Variants in DRC9 observed in about 807,000 individuals in gnomAD.
DRC9 encodes dynein regulatory complex protein 9.
At chr3:197,932,957 T>TTATTATA in the DRC9 span, among the ~76,000 whole-genome samples, 32,113 of 135,326 alleles carry the variant, frequency 0.24, 4,840 homozygotes, top group African/African-American at 0.44. Context: ...ATATTATATA[T>TTATTATA]TATTATATAT....
the DRC9 span, among the ~76,000 whole-genome samples, chr3:197,917,451 G>A: frequency 5.9e-5 from 9 of 152,234 alleles, no homozygotes; most frequent in South Asian, 1.2e-3. Context: ...CCTAAGAGAC[G>A]GAGCATCTCT....
chr3:197,907,749 C>G, the DRC9 span, among the ~76,000 whole-genome samples: 1 of 151,936 alleles, frequency 6.6e-6, no homozygotes, highest in Non-Finnish European at 1.5e-5. Context: ...GAAGTTATCA[C>G]AGGGGTGACT....
chr3:197,941,289 T>C, the DRC9 span, among the ~76,000 whole-genome samples: 10 of 116,854 alleles, frequency 8.6e-5, no homozygotes, highest in African/African-American at 3.6e-5. Context: ...TCTCTTCCTT[T>C]CTTTCTTTTC....
At chr3:197,909,884 T>A in the DRC9 span, among the ~76,000 whole-genome samples, 11 of 152,014 alleles carry the variant, frequency 7.2e-5, no homozygotes, top group Admixed American at 5.2e-4. Context: ...TCCCAGCTAC[T>A]CGGGAGGCTG....
chr3:197,917,857 A>G, the DRC9 span, among the ~76,000 whole-genome samples: 1 of 151,312 alleles, frequency 6.6e-6, no homozygotes, highest in South Asian at 2.1e-4. Flanking sequence ...CAGCCTCCCA[A>G]GTAGCTGGGA....
the DRC9 span, among the ~76,000 whole-genome samples, chr3:197,942,527 A>T: frequency 6.6e-6 from 1 of 152,062 alleles, no homozygotes; most frequent in African/African-American, 2.4e-5. Flanking sequence ...TTACTGTTAG[A>T]AATGAAAAGC....
At chr3:197,946,397 T>C in the DRC9 span, among the ~76,000 whole-genome samples, 641 of 133,870 alleles carry the variant, frequency 4.8e-3, 6 homozygotes, top group African/African-American at 0.018. Context: ...ATCGCGCCAC[T>C]GCACTCCAGC....
the DRC9 span, chr3:197,913,333 CGTGCGTGCGTGCGTGT>C: frequency 4.4e-5 from 9 of 205,996 alleles, no homozygotes; most frequent in South Asian, 1.7e-4. Flanking sequence ...TGTGTGCGTG[CGTGCGTGCGTGCGTGT>C]GTGCGTGCGT....
the DRC9 span, among the ~76,000 whole-genome samples, chr3:197,928,159 G>C: frequency 6.6e-6 from 1 of 151,958 alleles, no homozygotes; most frequent in East Asian, 1.9e-4. Flanking sequence ...CCACTATCTG[G>C]AGTTAACTAT....
chr3:197,954,333 TTTG>T, the DRC9 span: 2 of 682,808 alleles, frequency 2.9e-6, no homozygotes, highest in Non-Finnish European at 5.0e-6. Flanking sequence ...TTGTTTGTTT[TTTG>T]TTTTTTTTTT....
At chr3:197,910,545 G>C in the DRC9 span, among the ~76,000 whole-genome samples, 1 of 152,162 alleles carries the variant, frequency 6.6e-6, no homozygotes. Context: ...AGACCTGCAA[G>C]AGAGCATCTA....
At chr3:197,906,859 G>A in the DRC9 span, among the ~76,000 whole-genome samples, 1 of 152,182 alleles carries the variant, frequency 6.6e-6, no homozygotes, top group Non-Finnish European at 1.5e-5. Flanking sequence ...CTGCTGTGGT[G>A]ATTCAAATCA....
At chr3:197,899,736 G>A in the DRC9 span, among the ~76,000 whole-genome samples, 1 of 152,152 alleles carries the variant, frequency 6.6e-6, no homozygotes, top group African/African-American at 2.4e-5. Context: ...AGCCTCCACT[G>A]ATAGTTCCCC....
chr3:197,917,810 A>G, the DRC9 span, among the ~76,000 whole-genome samples: 1 of 151,260 alleles, frequency 6.6e-6, no homozygotes, highest in East Asian at 1.9e-4. Context: ...GGCTCACTGC[A>G]ACCTCTGCCT....
At chr3:197,910,160 C>T in the DRC9 span, among the ~76,000 whole-genome samples, 3 of 151,974 alleles carry the variant, frequency 2.0e-5, no homozygotes, top group Admixed American at 1.3e-4. Flanking sequence ...TGTAGCTGGA[C>T]GTGGTGGTGC....
At chr3:197,918,329 C>G in the DRC9 span, among the ~76,000 whole-genome samples, 1 of 140,218 alleles carries the variant, frequency 7.1e-6, no homozygotes, top group Non-Finnish European at 1.5e-5. Flanking sequence ...GTCTCAAACT[C>G]CTGGTCTCAA....
At chr3:197,904,053 C>CAT in the DRC9 span, among the ~76,000 whole-genome samples, 1,945 of 91,824 alleles carry the variant, frequency 0.021, 30 homozygotes, top group Middle Eastern at 0.04. Flanking sequence ...TATATACATA[C>CAT]ATATATATAT....
At chr3:197,912,405 AATT>A in the DRC9 span, 2 of 289,820 alleles carry the variant, frequency 6.9e-6, no homozygotes, top group Non-Finnish European at 1.3e-5. Context: ...ATAATTTGAA[AATT>A]ATGAGTATAC....
chr3:197,908,841 G>T, the DRC9 span, among the ~76,000 whole-genome samples: 1 of 149,754 alleles, frequency 6.7e-6, no homozygotes, highest in Non-Finnish European at 1.5e-5. Context: ...TATCACAGGG[G>T]TGACTGTACC....
Sources: gnomAD v4.1 joint callset for allele counts (sites outside exome capture counted in the v4.1 genomes callset) on GRCh38, gnomAD v4.1.1 for gene constraint, MANE v1.5 for transcripts, NCBI Gene and HGNC (gene_info 2026-07-23, HGNC 2026-07-21) for gene names.